The following KCNIP3 variants were observed in gnomAD, a reference collection of about 807,000 sequenced individuals.
KCNIP3 encodes potassium voltage-gated channel interacting protein 3.
In KCNIP3, 28 loss-of-function variants were observed where a neutral mutation model predicts 35.0. That is an observed-to-expected ratio of 0.80 (90% CI 0.59 to 1.10). The LOEUF (loss-of-function observed/expected upper bound fraction) is 1.10. Ranked by LOEUF, KCNIP3 falls within the 50% of genes least tolerant of loss-of-function variation. The probability of loss-of-function intolerance (pLI) is 0.00; values close to 1 mark genes in which losing one functional copy is unlikely to be tolerated. For synonymous variants in KCNIP3, 134 were observed against 133.8 expected, an observed-to-expected ratio of 1.00 and a Z score of -0.01; for missense variants, 295 against 338.4, an observed-to-expected ratio of 0.87 and a Z score of 1.01.
chr2:95,318,683 G>T (rs1334497422), intron 2 of KCNIP3, among the ~76,000 whole-genome samples: 2 of 152,226 alleles, frequency 1.3e-5, no homozygotes, highest in East Asian at 3.9e-4. Context: ...CACAGGGGTG[G>T]TGCCCTGCAT....
intron 1 of KCNIP3, among the ~76,000 whole-genome samples, chr2:95,297,913 G>A (rs547004992): frequency 9.8e-5 from 15 of 152,288 alleles, no homozygotes; most frequent in Non-Finnish European, 1.3e-4. Flanking sequence ...GTGCTTGGAG[G>A]TTGGTCAATG....
intron 2 of KCNIP3, among the ~76,000 whole-genome samples, chr2:95,352,411 A>C (rs1679549442): frequency 6.6e-6 from 1 of 151,058 alleles, no homozygotes; most frequent in Non-Finnish European, 1.5e-5. Flanking sequence ...GTAGCTGGGG[A>C]GGGCGGGAGT....
At chr2:95,341,595 A>G (rs1342373392) in intron 2 of KCNIP3, among the ~76,000 whole-genome samples, 3 of 152,152 alleles carry the variant, frequency 2.0e-5, no homozygotes, top group Admixed American at 6.5e-5. Flanking sequence ...ACTGTGCAAC[A>G]GGCAGGTAAA....
chr2:95,376,970 C>T lies in KCNIP3; in HGVS notation c.447+1762C>T, dbSNP rs1193903267. ...ATGGTAAAAGGTAATACCCTCCCTC[C>T]GCTCACCAAAAAGAATAACCAAAAA... is the stretch of plus-strand genomic sequence containing the variant. On this transcript the variant is annotated intron_variant, in intron 5 of 8. Transcript: ENST00000295225. The surrounding 1 kb of genome is among the most constrained non-coding windows in gnomAD (Gnocchi z 4.2). 2.6e-5 allele frequency among the ~76,000 whole-genome samples: 4 copies of T among 152,186 alleles called. No homozygotes were observed. Among genetic ancestry groups the T allele is most frequent in the South Asian group, 2.1e-4 (1 of 4,828 alleles).
rs1432535649 is a variant in KCNIP3, at chr2:95,325,727, ACATACACACT to A, written c.181+15217_181+15226del. On this transcript the variant is annotated intron_variant, in intron 2 of 8. Transcript: ENST00000295225. ...CATACACACAGTCATACACTTATACACATACACACTCATACACACGCACTCATACACACAT... is the reference window on the plus strand; with the variant it reads ...CATACACACAGTCATACACTTATACACATACACACGCACTCATACACACAT... Among the ~76,000 whole-genome samples the A allele has an allele frequency of 5.3e-5, 8 of 151,870 alleles. No individual in the cohort carries two copies. The South Asian group carries it at 1.2e-3, about 24-fold the overall frequency.
chr2:95,311,155 C>T (rs188177438), intron 2 of KCNIP3: 142 of 157,202 alleles, frequency 9.0e-4, no homozygotes, highest in Non-Finnish European at 1.6e-3. Flanking sequence ...CAATGGCAGC[C>T]TCATGCGGCC....
At chr2:95,301,435 G>C (rs1678024980) in intron 1 of KCNIP3, among the ~76,000 whole-genome samples, 2 of 152,246 alleles carry the variant, frequency 1.3e-5, no homozygotes, top group Non-Finnish European at 2.9e-5. Context: ...GACTGCACCA[G>C]CAGACCTGGG....
At chr2:95,324,594 T>C (rs1316124550) in intron 2 of KCNIP3, among the ~76,000 whole-genome samples, 4 of 151,398 alleles carry the variant, frequency 2.6e-5, no homozygotes, top group Non-Finnish European at 5.9e-5. Context: ...ATTTTTTTCA[T>C]GCCCTTGCTT....
intron 2 of KCNIP3, among the ~76,000 whole-genome samples, chr2:95,344,142 T>C (rs984038448): frequency 6.6e-6 from 1 of 152,166 alleles, no homozygotes; most frequent in African/African-American, 2.4e-5. Flanking sequence ...CAGCCTGTGC[T>C]TTCCTCAAAG....
At chr2:95,342,625 A>C (rs1679220474) in intron 2 of KCNIP3, among the ~76,000 whole-genome samples, 1 of 152,134 alleles carries the variant, frequency 6.6e-6, no homozygotes, top group African/African-American at 2.4e-5. Flanking sequence ...CTTTGTCTTC[A>C]TTTTTAGCTG....
At position 95,375,169 on chromosome 2, in the gene KCNIP3, C is replaced by T. The variant is rs747380603; in HGVS notation, c.408C>T (p.Asn136=). 122 of 1,614,054 alleles carry T rather than the reference C, an allele frequency of 7.6e-5. No homozygotes were observed. The highest frequency in any genetic ancestry group is 2.5e-4 in the East Asian group (11 of 44,870). ...DATTYAHFLF[N]AFDADGNGAI... ...CCACCTATGCACACTTCCTCTTCAA[C>T]GCCTTTGATGCGGACGGGAACGGGG... The change falls in exon 5 of 9, where the codon AAC becomes AAT. Residue 136 remains asparagine (N), a synonymous_variant. Coordinates refer to ENST00000295225, the MANE Select transcript of KCNIP3 (RefSeq NM_013434.5).
At chr2:95,361,467 C>T (rs1558774315) in intron 2 of KCNIP3, among the ~76,000 whole-genome samples, 2 of 152,192 alleles carry the variant, frequency 1.3e-5, no homozygotes, top group Non-Finnish European at 2.9e-5. Flanking sequence ...TTGGACCCTT[C>T]GATAGCTCTC....
intron 8 of KCNIP3, among the ~76,000 whole-genome samples, chr2:95,383,608 TG>T (rs768959677): frequency 3.3e-5 from 5 of 152,050 alleles, no homozygotes; most frequent in Non-Finnish European, 7.4e-5. Flanking sequence ...AGGGTCACCG[TG>T]GGGAGGCACC....
At chr2:95,347,116 A>G (rs745787234) in intron 2 of KCNIP3, 42 of 1,609,784 alleles carry the variant, frequency 2.6e-5, no homozygotes, top group South Asian at 1.4e-4. Context: ...GCCCATATCC[A>G]TGGAAGGTAA....
chr2:95,354,104 TGTAA>T (rs2104277087), intron 2 of KCNIP3, among the ~76,000 whole-genome samples: 1 of 152,288 alleles, frequency 6.6e-6, no homozygotes, highest in Admixed American at 6.5e-5. Context: ...TTTCCTCACC[TGTAA>T]GTGAGGGGTG....
intron 2 of KCNIP3, among the ~76,000 whole-genome samples, chr2:95,319,741 C>A (rs1678543674): frequency 6.6e-6 from 1 of 152,210 alleles, no homozygotes; most frequent in East Asian, 1.9e-4. Flanking sequence ...GCTCCGGGCG[C>A]CTGTGTCATG....
rs1386920629 is a variant in KCNIP3, at chr2:95,321,226, A to C, written c.181+10706A>C. Among the ~76,000 whole-genome samples, 8 of 152,226 alleles carry C rather than the reference A, an allele frequency of 5.3e-5. No individual in the cohort carries two copies. In the East Asian group the frequency reaches 1.5e-3, roughly 29 times the overall value. ...TGGGTCACAGAGCCGGTTTCGCAGC[A>C]CCTTAGTGTGGCCTGCAGAGCTGGT... On this transcript the variant is annotated intron_variant, in intron 2 of 8. Coordinates refer to ENST00000295225, the MANE Select transcript of KCNIP3 (RefSeq NM_013434.5).
chr2:95,365,578 G>A (rs1475971069), intron 2 of KCNIP3, among the ~76,000 whole-genome samples: 1 of 152,222 alleles, frequency 6.6e-6, no homozygotes, highest in Non-Finnish European at 1.5e-5. Context: ...AGGAGGAGAG[G>A]AAGTGAAGGC....
chr2:95,308,750 T>C (rs931044513), intron 1 of KCNIP3, among the ~76,000 whole-genome samples: 3 of 152,194 alleles, frequency 2.0e-5, no homozygotes, highest in African/African-American at 7.2e-5. Context: ...AGGCTGTGAC[T>C]GGCCCGGGCT....
Sources: allele counts gnomAD v4.1 joint callset (sites outside exome capture counted in the v4.1 genomes callset), GRCh38; gene constraint gnomAD v4.1.1; non-coding constraint Gnocchi (gnomAD v3.1); transcripts MANE v1.5; gene names NCBI Gene and HGNC (gene_info 2026-07-23, HGNC 2026-07-21).